FIBCD1: variants seen among roughly 807,000 people sequenced by gnomAD.
FIBCD1 encodes fibrinogen C domain containing 1.
FIBCD1 carries 47 observed loss-of-function variants against 45.1 expected under a neutral mutation model. The observed-to-expected ratio is 1.04, with a 90% CI of 0.82 to 1.33. The LOEUF (loss-of-function observed/expected upper bound fraction) is 1.33. Ranked by LOEUF, FIBCD1 falls within the 40% of genes most tolerant of loss-of-function variation. FIBCD1 has a pLI of 0.00. For missense variants in FIBCD1, 653 were observed against 682.2 expected (o/e 0.96, Z 0.48); for synonymous variants, 313 against 308.1 (o/e 1.02, Z -0.17).
upstream of FIBCD1, among the ~76,000 whole-genome samples, chr9:130,940,211 T>TG (rs1032880018): frequency 3.9e-5 from 6 of 152,222 alleles, no homozygotes; most frequent in African/African-American, 1.4e-4. Context: ...CAGCCTGGGC[T>TG]GGGGCACTCC....
chr9:130,911,128 G>T (rs1037400603), intron 5 of FIBCD1, among the ~76,000 whole-genome samples: 6 of 152,078 alleles, frequency 3.9e-5, no homozygotes, highest in Admixed American at 3.3e-4. Context: ...TTCACTCTTT[G>T]GGTCCACGCT....
intron 5 of FIBCD1, among the ~76,000 whole-genome samples, chr9:130,905,785 T>C (rs1233278417): frequency 6.6e-6 from 1 of 152,206 alleles, no homozygotes; most frequent in East Asian, 1.9e-4. Flanking sequence ...TTCCTATACC[T>C]GGCCTCTGGG....
At chr9:130,938,449 C>A in intron 1 of FIBCD1, 87 bp downstream of exon 1, 1 of 1,188,540 alleles carries the variant, frequency 8.4e-7, no homozygotes, top group East Asian at 3.2e-5. Flanking sequence ...CAAACTCCAG[C>A]CCCCGCAATG....
rs942036072 is a variant in FIBCD1, at chr9:130,903,922, C to T, written c.*142G>A. 9 of 1,107,392 alleles carry T rather than the reference C, an allele frequency of 8.1e-6. 1 individual carries two copies. The highest frequency in any genetic ancestry group is 3.1e-5 in the African/African-American group (2 of 64,500). The allele number at this position is 1,107,392 out of a possible 1,614,324, so 68.6% of individuals were successfully genotyped here. ...GTGACTTCACCGGCCCAGGGAGCTT[C>T]GTGTCAGGGATGGCCCGGCCCCTCC... On this transcript the variant is annotated 3_prime_UTR_variant, in exon 7 of 7. Transcript: ENST00000372338.
chr9:130,926,166 A>G lies in FIBCD1; in HGVS notation c.553-1770T>C, dbSNP rs545913023. On this transcript the variant is annotated intron_variant, in intron 2 of 6. Transcript: ENST00000372338. The surrounding 1 kb of genome is among the most constrained non-coding windows in gnomAD (Gnocchi z 4.1). ...GACGGTAGGTGGGGGCCGCCGTGCG[A>G]TGTGTGTGCGGCAAACATCACTTGG... Among the ~76,000 whole-genome samples the G allele has an allele frequency of 1.1e-4, 17 of 152,262 alleles. No individual in the cohort carries two copies. The South Asian group carries it at 3.5e-3, about 32-fold the overall frequency.
chr9:130,923,212 G>A (rs1328963247), intron 4 of FIBCD1, among the ~76,000 whole-genome samples: 1 of 152,212 alleles, frequency 6.6e-6, no homozygotes, highest in East Asian at 1.9e-4. Flanking sequence ...GTGACTGGCA[G>A]TTGGGGCATC....
chr9:130,912,706 A>G lies in FIBCD1; in HGVS notation c.850-818T>C, dbSNP rs868604055. ...TGGGTGATAGAGCAAAACTGTCTGA[A>G]AAAAAAAAAAGGGAATCTCGGTGGG... On this transcript the variant is annotated intron_variant, in intron 4 of 6. Coordinates refer to ENST00000372338, the MANE Select transcript of FIBCD1 (RefSeq NM_032843.5). 8.6e-3 allele frequency among the ~76,000 whole-genome samples: 926 copies of G among 107,180 alleles called. 9 individuals carry two copies. The highest frequency in any genetic ancestry group is 0.065 in the African/African-American group (878 of 13,442). 70.3% of individuals were successfully genotyped at this position (107,180 alleles called of 152,430 possible).
At position 130,911,777 on chromosome 9, in the gene FIBCD1, G is replaced by T. The variant is rs775352223; in HGVS notation, c.946+15C>A. 6.3e-7 allele frequency: 1 copy of T among 1,587,210 alleles called. No individual in the cohort carries two copies. The highest frequency in any genetic ancestry group is 8.6e-7 in the Non-Finnish European group (1 of 1,167,188). ...AGGAGGCCCACCTGGGCCGGATGGT[G>T]GGTGGGGTGCTCACCTAGCCAGTGC... On this transcript the variant is annotated intron_variant, in intron 5 of 6. Transcript: ENST00000372338.
At chr9:130,916,997 C>G (rs1484051354) in intron 4 of FIBCD1, among the ~76,000 whole-genome samples, 1 of 152,200 alleles carries the variant, frequency 6.6e-6, no homozygotes, top group Non-Finnish European at 1.5e-5. Flanking sequence ...ACTCGGGAGG[C>G]TGAGGCAGGA....
intron 1 of FIBCD1, among the ~76,000 whole-genome samples, chr9:130,931,716 C>A (rs1307446831): frequency 6.6e-6 from 1 of 152,158 alleles, no homozygotes; most frequent in African/African-American, 2.4e-5. Flanking sequence ...AAAACTGAGG[C>A]CCAGAGAGGG....
chr9:130,914,540 G>C (rs540785311), intron 4 of FIBCD1, among the ~76,000 whole-genome samples: 4 of 152,358 alleles, frequency 2.6e-5, no homozygotes, highest in African/African-American at 9.6e-5. Context: ...GCCACAGTGC[G>C]GGTAGTGGGG....
Position 130,903,427 on chromosome 9 carries a change from T to C in FIBCD1, c.*637A>G, listed in dbSNP as rs1192794826. On this transcript the variant is annotated 3_prime_UTR_variant, in exon 7 of 7. Coordinates refer to ENST00000372338, the MANE Select transcript of FIBCD1 (RefSeq NM_032843.5). Reference sequence around the variant, plus strand: ...GGGTGGGTGGCCTCCAGGGAACTGGTCTCAGCCTTGGAGCGTGGGTCCCCA... The same window carrying C: ...GGGTGGGTGGCCTCCAGGGAACTGGCCTCAGCCTTGGAGCGTGGGTCCCCA... 3.7e-5 allele frequency: 6 copies of C among 160,744 alleles called. No homozygotes were observed. Among genetic ancestry groups the C allele is most frequent in the African/African-American group, 7.2e-5 (3 of 41,516 alleles). 10.0% of individuals were successfully genotyped at this position (160,744 alleles called of 1,614,324 possible).
At chr9:130,929,307 TG>T (rs1465000529) in intron 2 of FIBCD1, among the ~76,000 whole-genome samples, 1 of 152,148 alleles carries the variant, frequency 6.6e-6, no homozygotes, top group Non-Finnish European at 1.5e-5. Context: ...CCAAGTGCCG[TG>T]GGGTGCTGTA....
intron 5 of FIBCD1, among the ~76,000 whole-genome samples, chr9:130,907,513 A>T (rs1398306943): frequency 6.6e-6 from 1 of 152,234 alleles, no homozygotes; most frequent in African/African-American, 2.4e-5. Flanking sequence ...GGCTTGAAAC[A>T]GACAGGAAAC....
At chr9:130,907,255 C>T (rs545598512) in intron 5 of FIBCD1, among the ~76,000 whole-genome samples, 1 of 124,982 alleles carries the variant, frequency 8.0e-6, no homozygotes, top group South Asian at 2.8e-4. Context: ...GCAGGACGCC[C>T]GAGGGAGGGG....
upstream of FIBCD1, among the ~76,000 whole-genome samples, chr9:130,940,203 GC>G (rs1832599794): frequency 6.6e-6 from 1 of 152,212 alleles, no homozygotes; most frequent in Non-Finnish European, 1.5e-5. Flanking sequence ...GCCGCGTCCA[GC>G]CTGGGCTGGG....
chr9:130,906,316 A>G (rs534315530), intron 5 of FIBCD1, among the ~76,000 whole-genome samples: 229 of 152,280 alleles, frequency 1.5e-3, no homozygotes, highest in Non-Finnish European at 1.5e-3. Flanking sequence ...ATGTTTCACA[A>G]GTTAGTAGCA....
At chr9:130,936,909 CT>C (rs141136399) in intron 1 of FIBCD1, among the ~76,000 whole-genome samples, 7,395 of 152,136 alleles carry the variant, frequency 0.049, 258 homozygotes, top group Admixed American at 0.098. Flanking sequence ...GGAAGTCTTC[CT>C]GGAGGAGGTG....
intron 5 of FIBCD1, among the ~76,000 whole-genome samples, chr9:130,910,327 C>T (rs879538960): frequency 2.4e-4 from 37 of 152,348 alleles, no homozygotes; most frequent in Non-Finnish European, 4.9e-4. Context: ...GCGCTGCACT[C>T]GATTTCTCAC....
Sources: gnomAD v4.1 joint callset for allele counts (sites outside exome capture counted in the v4.1 genomes callset) on GRCh38, gnomAD v4.1.1 for gene constraint, Gnocchi (gnomAD v3.1) non-coding constraint, MANE v1.5 for transcripts, NCBI Gene and HGNC (gene_info 2026-07-23, HGNC 2026-07-21) for gene names.